Variants in CNKSR2 observed in about 807,000 individuals in gnomAD.
CNKSR2 encodes connector enhancer of kinase suppressor of Ras 2.
A neutral mutation model predicts 84.4 loss-of-function variants in CNKSR2; 14 were observed. The observed-to-expected ratio is 0.17, with a 90% CI of 0.11 to 0.26. The LOEUF (loss-of-function observed/expected upper bound fraction) is 0.26, where lower values mean the gene tolerates loss of function less well. CNKSR2 is among the 10% of genes least tolerant of loss of function. The pLI is 1.00. For synonymous variants in CNKSR2, 275 were observed against 277.9 expected (o/e 0.99, Z 0.10); for missense variants, 485 against 771.2 (o/e 0.63, Z 4.40).
chrX:21,538,923 GTT>G (rs2091953163), intron 11 of CNKSR2: 1 of 112,230 alleles, frequency 8.9e-6, no homozygotes, highest in African/African-American at 3.2e-5. Flanking sequence ...CTGACAGCCA[GTT>G]GGATGGTGCC....
At chrX:21,552,278 T>G (rs1409054630) in intron 11 of CNKSR2, among the ~76,000 whole-genome samples, 1 of 111,326 alleles carries the variant, frequency 9.0e-6, no homozygotes, top group Non-Finnish European at 1.9e-5. Flanking sequence ...TAAATAAGAT[T>G]GGGAAGTTTT....
intron 11 of CNKSR2, among the ~76,000 whole-genome samples, chrX:21,553,043 A>G (rs922909223): frequency 8.9e-6 from 1 of 112,023 alleles, no homozygotes; most frequent in Non-Finnish European, 1.9e-5. Flanking sequence ...TTGTTAAGGT[A>G]TTGGACCACA....
At chrX:21,483,837 TA>T (rs1227940016) in intron 5 of CNKSR2, among the ~76,000 whole-genome samples, 3 of 110,184 alleles carry the variant, frequency 2.7e-5, no homozygotes, top group Non-Finnish European at 5.7e-5. Flanking sequence ...GGCGTATACT[TA>T]CAGTTCTCAC....
intron 1 of CNKSR2, among the ~76,000 whole-genome samples, chrX:21,420,032 C>A (rs903469987): frequency 1.8e-5 from 2 of 112,157 alleles, no homozygotes; most frequent in Non-Finnish European, 3.8e-5. Context: ...GTCTGGGAGC[C>A]AGGGACTAGC....
rs759498814 is a variant in CNKSR2, at chrX:21,526,897, G to A, written c.988G>A (p.Val330Ile). 34 of 1,202,169 alleles carry A rather than the reference G, an allele frequency of 2.8e-5. No individual in the cohort carries two copies. The highest frequency in any genetic ancestry group is 2.1e-4 in the South Asian group (12 of 56,420). ...PLIPRSPTSSVATPSSTISTP... is the reference protein window; with the variant it reads ...PLIPRSPTSSIATPSSTISTP... ...TATACCTAGAAGTCCCACAAGCAGC[G>A]TTGCCACGCCTTCCAGCACCATCAG... The change falls in exon 10 of 22, where the codon GTT becomes ATT. Residue 330 changes from valine (V) to isoleucine (I), a missense_variant. By Grantham distance (29) the Val-to-Ile change is conservative. This residue lies in a region of CNKSR2 where 132 missense variants were observed against 166.7 expected (regional missense o/e 0.79). Coordinates refer to ENST00000379510, the MANE Select transcript of CNKSR2 (RefSeq NM_014927.5).
intron 13 of CNKSR2, among the ~76,000 whole-genome samples, chrX:21,576,521 A>G (rs867115339): frequency 5.4e-5 from 6 of 112,045 alleles, no homozygotes; most frequent in Non-Finnish European, 9.4e-5. Flanking sequence ...ATGGAATTCA[A>G]TGAAGTTGAA....
intron 19 of CNKSR2, chrX:21,608,132 GTAAC>G (rs993206732): frequency 9.0e-6 from 1 of 111,244 alleles, no homozygotes; most frequent in Non-Finnish European, 1.9e-5. Context: ...ATGTGGGAAG[GTAAC>G]TGACTGCCCG....
intron 5 of CNKSR2, among the ~76,000 whole-genome samples, chrX:21,485,586 AAC>A (rs1159037916): frequency 3.6e-5 from 4 of 111,484 alleles, no homozygotes; most frequent in African/African-American, 1.3e-4. Context: ...TGAGAAAAAA[AAC>A]ACACAATACC....
chrX:21,641,622 T>A (rs764373735), intron 20 of CNKSR2: 1 of 1,163,658 alleles, frequency 8.6e-7, no homozygotes, highest in Non-Finnish European at 1.1e-6. Flanking sequence ...CACAGATTGA[T>A]AAGCTAATGT....
At chrX:21,511,935 T>G (rs2091676144) in intron 8 of CNKSR2, among the ~76,000 whole-genome samples, 1 of 111,183 alleles carries the variant, frequency 9.0e-6, no homozygotes, top group Admixed American at 9.6e-5. Context: ...TTGGAAACCT[T>G]CATTAGACCC....
In CNKSR2 at chrX:21,463,586, G is replaced by C. The variant is rs958166524; in HGVS notation, c.520-7180G>C. 1.6e-4 allele frequency among the ~76,000 whole-genome samples: 18 copies of C among 111,375 alleles called. 1 individual carries two copies. Among genetic ancestry groups the C allele is most frequent in the African/African-American group, 5.6e-4 (17 of 30,605 alleles). On this transcript the variant is annotated intron_variant, in intron 4 of 21. Transcript: ENST00000379510. ...TGTGTGTGTCTAGGAATTTATCTATGATTTTCCAATTTATTGCCATGGATG... is the reference window on the plus strand; with the variant it reads ...TGTGTGTGTCTAGGAATTTATCTATCATTTTCCAATTTATTGCCATGGATG...
chrX:21,483,507 G>A (rs888390892), intron 5 of CNKSR2, among the ~76,000 whole-genome samples: 1 of 107,401 alleles, frequency 9.3e-6, no homozygotes, highest in Non-Finnish European at 1.9e-5. Flanking sequence ...AAGTTAATGG[G>A]TACAGCACAC....
intron 11 of CNKSR2, among the ~76,000 whole-genome samples, chrX:21,543,436 A>G (rs1388463945): frequency 1.8e-5 from 2 of 112,573 alleles, no homozygotes; most frequent in Non-Finnish European, 3.7e-5. Context: ...TAGCCTCACA[A>G]AATAATTTTT....
chrX:21,629,724 G>A lies in CNKSR2; in HGVS notation c.2693-19107G>A, dbSNP rs1006181365. ...GGGAATTATGGGTGCTACAAGATGAGATTTGGATGGGCCAAACCATATCAA... is the reference window on the plus strand; with the variant it reads ...GGGAATTATGGGTGCTACAAGATGAAATTTGGATGGGCCAAACCATATCAA... On this transcript the variant is annotated intron_variant, in intron 20 of 21. Transcript: ENST00000379510. Among the ~76,000 whole-genome samples, 6 of 112,230 alleles carry A rather than the reference G, an allele frequency of 5.3e-5. No homozygotes were observed. The South Asian group carries it at 2.2e-3, about 42-fold the overall frequency.
chrX:21,424,937 T>C (rs1362958123), intron 1 of CNKSR2: 1 of 111,922 alleles, frequency 8.9e-6, no homozygotes, highest in East Asian at 2.8e-4. Context: ...TCCATAATGT[T>C]GTCTTATAGT....
intron 9 of CNKSR2, among the ~76,000 whole-genome samples, chrX:21,523,258 G>A (rs1208092003): frequency 9.0e-6 from 1 of 110,718 alleles, no homozygotes; most frequent in Non-Finnish European, 1.9e-5. Flanking sequence ...GATCAAAAGT[G>A]GATCCATGTC....
intron 14 of CNKSR2, 51 bp downstream of exon 14, chrX:21,590,671 C>T: frequency 2.7e-6 from 3 of 1,110,722 alleles, no homozygotes; most frequent in Non-Finnish European, 3.7e-6. Flanking sequence ...CTTTGATAAT[C>T]CCCAACACAC....
At chrX:21,568,823 G>A in intron 13 of CNKSR2, among the ~76,000 whole-genome samples, 1 of 111,234 alleles carries the variant, frequency 9.0e-6, no homozygotes, top group South Asian at 3.8e-4. Context: ...TTATGTGGTA[G>A]AGCTAGGATT....
At chrX:21,469,828 C>T (rs1259502538) in intron 4 of CNKSR2, among the ~76,000 whole-genome samples, 1 of 111,103 alleles carries the variant, frequency 9.0e-6, no homozygotes, top group Non-Finnish European at 1.9e-5. Flanking sequence ...AGGAGAATCA[C>T]TTGAACCCAG....
Sources: allele counts gnomAD v4.1 joint callset (sites outside exome capture counted in the v4.1 genomes callset), GRCh38; gene constraint gnomAD v4.1.1; regional missense constraint gnomAD v4.1.1; transcripts MANE v1.5; gene names NCBI Gene and HGNC (gene_info 2026-07-23, HGNC 2026-07-21).